The following PTPRT variants were observed in gnomAD, a reference collection of about 807,000 sequenced individuals.
PTPRT encodes the protein receptor-type tyrosine-protein phosphatase T.
A neutral mutation model predicts 176.8 loss-of-function variants in PTPRT; 56 were observed. The ratio of observed to expected loss-of-function variants is 0.32; its 90% CI spans 0.26 to 0.40. PTPRT has a LOEUF of 0.40. PTPRT is among the 10% of genes least tolerant of loss of function. The pLI is 1.00. For missense variants in PTPRT, 1,540 were observed against 1,908.2 expected (o/e 0.81, Z 3.60); for synonymous variants, 783 against 739.0 (o/e 1.06, Z -0.96).
chr20:42,864,043 T>C (rs567161982), intron 2 of PTPRT, among the ~76,000 whole-genome samples: 1 of 152,336 alleles, frequency 6.6e-6, no homozygotes, highest in East Asian at 1.9e-4. Context: ...TTCCTGTCCC[T>C]TTTCTGCAAA....
Position 42,300,367 on chromosome 20 carries a change from A to T in PTPRT, c.2139+15356T>A, listed in dbSNP as rs77310105. 5.7e-3 allele frequency among the ~76,000 whole-genome samples: 864 copies of T among 151,962 alleles called. 10 individuals carry two copies. Among genetic ancestry groups the T allele is most frequent in the African/African-American group, 0.02 (827 of 41,460 alleles). On this transcript the variant is annotated intron_variant, in intron 12 of 30. Coordinates refer to ENST00000373187, the MANE Select transcript of PTPRT (RefSeq NM_007050.6). ...GTGGTACTCACTAACAATGATTCCCACTCGTTCCCAGGTCTGAGTTTCTAT... is the reference window on the plus strand; with the variant it reads ...GTGGTACTCACTAACAATGATTCCCTCTCGTTCCCAGGTCTGAGTTTCTAT...
chr20:42,418,221 C>T (rs1039927276), intron 9 of PTPRT, among the ~76,000 whole-genome samples: 48 of 152,098 alleles, frequency 3.2e-4, no homozygotes, highest in African/African-American at 1.2e-3. Flanking sequence ...TCAAATGATA[C>T]AATTTTGGAT....
chr20:42,680,305 G>A (rs556483217), intron 6 of PTPRT, among the ~76,000 whole-genome samples: 8 of 152,332 alleles, frequency 5.3e-5, no homozygotes, highest in Non-Finnish European at 1.2e-4. Flanking sequence ...CATTTGGTCA[G>A]AGAAGGAAAT....
At chr20:42,512,933 C>T (rs1284324327) in intron 7 of PTPRT, among the ~76,000 whole-genome samples, 2 of 152,096 alleles carry the variant, frequency 1.3e-5, no homozygotes, top group Non-Finnish European at 2.9e-5. Context: ...GATCTTGGCT[C>T]ACCACAACCT....
chr20:42,235,878 G>C (rs1023200913), intron 15 of PTPRT, among the ~76,000 whole-genome samples: 5 of 152,206 alleles, frequency 3.3e-5, no homozygotes, highest in Non-Finnish European at 7.3e-5. Flanking sequence ...AAGTTGCTAA[G>C]ACTGTGATTC....
intron 11 of PTPRT, among the ~76,000 whole-genome samples, chr20:42,319,345 T>C (rs559230915): frequency 6.6e-5 from 10 of 152,132 alleles, no homozygotes; most frequent in African/African-American, 2.4e-4. Flanking sequence ...TTTTTTAACT[T>C]GGCATCCTAA....
chr20:42,237,860 T>G (rs1479949637), intron 14 of PTPRT, among the ~76,000 whole-genome samples: 1 of 152,250 alleles, frequency 6.6e-6, no homozygotes, highest in Non-Finnish European at 1.5e-5. Flanking sequence ...AATATCCATC[T>G]GAGTAGACAA....
chr20:43,083,744 T>C (rs533635535), intron 1 of PTPRT, among the ~76,000 whole-genome samples: 5 of 152,186 alleles, frequency 3.3e-5, no homozygotes, highest in African/African-American at 1.2e-4. Context: ...AATATCTCCA[T>C]CACTCCAAAA....
At chr20:42,284,173 AC>A (rs1312852840) in intron 12 of PTPRT, among the ~76,000 whole-genome samples, 2 of 152,118 alleles carry the variant, frequency 1.3e-5, no homozygotes, top group Non-Finnish European at 2.9e-5. Flanking sequence ...AGCAGTCTAT[AC>A]ATGCTCTTAT....
chr20:42,901,130 G>A (rs1254519083), intron 1 of PTPRT, among the ~76,000 whole-genome samples: 1 of 152,098 alleles, frequency 6.6e-6, no homozygotes, highest in African/African-American at 2.4e-5. Flanking sequence ...CCAATAAATA[G>A]TCTGGGCTTC....
chr20:42,447,503 A>C (rs377754994), intron 9 of PTPRT, among the ~76,000 whole-genome samples: 2 of 152,146 alleles, frequency 1.3e-5, no homozygotes, highest in South Asian at 4.2e-4. Flanking sequence ...GGGTGGGAGG[A>C]GACTCAACCT....
At chr20:42,045,953 AG>A in the PTPRT span, among the ~76,000 whole-genome samples, 2 of 152,206 alleles carry the variant, frequency 1.3e-5, no homozygotes, top group African/African-American at 4.8e-5. Context: ...TAAGTCTCTC[AG>A]ATTTTTTTCT....
intron 15 of PTPRT, among the ~76,000 whole-genome samples, chr20:42,216,720 T>G (rs2055779973): frequency 6.6e-6 from 1 of 152,218 alleles, no homozygotes; most frequent in Non-Finnish European, 1.5e-5. Context: ...GTCCCATATT[T>G]GAGCTTCCCC....
rs553952836 is a variant in PTPRT, at chr20:42,589,422, T to C, written c.1153+88444A>G. 5.3e-4 allele frequency among the ~76,000 whole-genome samples: 81 copies of C among 152,294 alleles called. 1 individual carries two copies. Among genetic ancestry groups the C allele is most frequent in the Non-Finnish European group, 1.0e-3 (70 of 68,016 alleles). ...TTCCGTTCTTCAATTTGTGTGCCAG[T>C]CATAAACACAGCAACTTCCATTTGA... On this transcript the variant is annotated intron_variant, in intron 7 of 30. Coordinates refer to ENST00000373187, the MANE Select transcript of PTPRT (RefSeq NM_007050.6).
At chr20:42,627,323 C>CAA (rs1407386939) in intron 7 of PTPRT, among the ~76,000 whole-genome samples, 5 of 151,822 alleles carry the variant, frequency 3.3e-5, no homozygotes, top group Non-Finnish European at 7.4e-5. Flanking sequence ...GTCTCTTTCA[C>CAA]CTAGGCTAGA....
At position 42,472,522 on chromosome 20, in the gene PTPRT, G is replaced by T. The variant is rs199819203; in HGVS notation, c.1194C>A (p.Ile398=). The T allele has an allele frequency of 6.2e-7, 1 of 1,614,048 alleles. No individual in the cohort carries two copies. Among genetic ancestry groups the T allele is most frequent in the Non-Finnish European group, 8.5e-7 (1 of 1,180,044 alleles). Residue 398 remains isoleucine, a synonymous_variant, in exon 8 of 31, where the codon ATC becomes ATA. Coordinates refer to ENST00000373187, the MANE Select transcript of PTPRT (RefSeq NM_007050.6). ...ACTGCAGGGTCAGCTGCCGGGCTCTGATGTCTACGATTTCCACGTTCTGTG... is the reference window on the plus strand; with the variant it reads ...ACTGCAGGGTCAGCTGCCGGGCTCTTATGTCTACGATTTCCACGTTCTGTG... ...HGPQNVEIVD[I]RARQLTLQWE...
chr20:42,772,183 G>A (rs1165155361), intron 4 of PTPRT, among the ~76,000 whole-genome samples: 3 of 152,232 alleles, frequency 2.0e-5, no homozygotes, highest in African/African-American at 7.2e-5. Context: ...GGGAAGGAAA[G>A]CACTAGTAGC....
intron 1 of PTPRT, among the ~76,000 whole-genome samples, chr20:43,061,273 C>T (rs779502399): frequency 6.6e-6 from 1 of 152,210 alleles, no homozygotes; most frequent in African/African-American, 2.4e-5. Flanking sequence ...TAGGGTGGCA[C>T]AGCCAGTTCT....
intron 16 of PTPRT, among the ~76,000 whole-genome samples, chr20:42,171,562 A>G (rs1343849144): frequency 6.6e-6 from 1 of 152,112 alleles, no homozygotes; most frequent in Non-Finnish European, 1.5e-5. Context: ...ATTTTAAGCG[A>G]ATGTGTATGT....
Sources: allele counts gnomAD v4.1 joint callset (sites outside exome capture counted in the v4.1 genomes callset), GRCh38; gene constraint gnomAD v4.1.1; transcripts MANE v1.5; gene names NCBI Gene and HGNC (gene_info 2026-07-23, HGNC 2026-07-21).